Variants in TERT observed in about 807,000 individuals in gnomAD.
TERT encodes the protein telomerase reverse transcriptase, also known as telomerase catalytic subunit.
TERT carries 42 observed loss-of-function variants against 104.0 expected under a neutral mutation model. The observed-to-expected ratio is 0.40, with a 90% CI of 0.32 to 0.52. The LOEUF is 0.52. Ranked by LOEUF, TERT falls within the 20% of genes least tolerant of loss-of-function variation. TERT has a pLI of 0.43. For synonymous variants in TERT, 781 were observed against 725.6 expected, an observed-to-expected ratio of 1.08 and a Z score of -1.23; for missense variants, 1,101 against 1,610.3, an observed-to-expected ratio of 0.68 and a Z score of 5.41.
At chr5:1,285,148 C>A (rs1354257110) in intron 2 of TERT, among the ~76,000 whole-genome samples, 1 of 109,974 alleles carries the variant, frequency 9.1e-6, no homozygotes, top group Non-Finnish European at 2.0e-5. Context: ...CTGCATCATC[C>A]GGACTCCATA....
chr5:1,259,468 G>A (rs1307871299), intron 12 of TERT, among the ~76,000 whole-genome samples: 22 of 137,544 alleles, frequency 1.6e-4, no homozygotes, highest in South Asian at 5.1e-4. Flanking sequence ...ATGCCCACAG[G>A]AGAGGGAGTG....
In TERT at chr5:1,292,567, C is replaced by T. The variant is rs1751063799; in HGVS notation, c.1573+746G>A. 1.3e-5 allele frequency among the ~76,000 whole-genome samples: 2 copies of T among 152,130 alleles called. No individual in the cohort carries two copies. The highest frequency in any genetic ancestry group is 2.1e-4 in the South Asian group (1 of 4,818). ...CACTCTTGTCGCCCAGGCTGGAGTA[C>T]AATGGCACAATCTCAGCTCACTGCA... On this transcript the variant is annotated intron_variant, in intron 2 of 15. Coordinates refer to ENST00000310581, the MANE Select transcript of TERT (RefSeq NM_198253.3). The surrounding 1 kb of genome is among the most constrained non-coding windows in gnomAD (Gnocchi z 5.5).
rs1748904232 is a variant in TERT at position 1,269,982 on chromosome 5, T to C, written c.2468+1137A>G. 6.6e-6 allele frequency among the ~76,000 whole-genome samples: 1 copy of C among 152,154 alleles called. No homozygotes were observed. Among genetic ancestry groups the C allele is most frequent in the South Asian group, 2.1e-4 (1 of 4,828 alleles). ...ACATTCCCCAAAGCCCTGCCACACG[T>C]GGACGGTACGTGACTTGATCCATCT... On this transcript the variant is annotated intron_variant, in intron 8 of 15. Transcript: ENST00000310581. This position sits in a 1 kb window ranked among gnomAD's most constrained non-coding sequence, Gnocchi z 9.0.
At chr5:1,281,165 TG>T in intron 3 of TERT, among the ~76,000 whole-genome samples, 1 of 152,234 alleles carries the variant, frequency 6.6e-6, no homozygotes, top group Non-Finnish European at 1.5e-5. Context: ...TCCAAAATAC[TG>T]GTCAAATGAC....
rs34673480 is a variant in TERT, at chr5:1,267,690, T to C, written c.2582+830A>G. Reference sequence around the variant, plus strand: ...TGAGTTCATGTCCTTTGTAGGGACATGGACGAAGCTGGAAACCATCACTCT... The same window carrying C: ...TGAGTTCATGTCCTTTGTAGGGACACGGACGAAGCTGGAAACCATCACTCT... On this transcript the variant is annotated intron_variant, in intron 9 of 15. Transcript: ENST00000310581. Among the ~76,000 whole-genome samples, 569 of 152,310 alleles carry C rather than the reference T, an allele frequency of 3.7e-3. 3 individuals carry two copies. The highest frequency in any genetic ancestry group is 0.013 in the African/African-American group (544 of 41,556).
At chr5:1,285,850 G>A (rs916211090) in intron 2 of TERT, among the ~76,000 whole-genome samples, 10 of 151,874 alleles carry the variant, frequency 6.6e-5, no homozygotes, top group African/African-American at 2.4e-4. Context: ...TTACAGGCGT[G>A]AGCCACCGCG....
rs1046133966 is a variant in TERT, at chr5:1,267,630, T to G, written c.2582+890A>C. On this transcript the variant is annotated intron_variant, in intron 9 of 15. Transcript: ENST00000310581. Reference sequence around the variant, plus strand: ...CTGGATTAAGAAAATGTGGCACATATACACCACGGAATACTATGCAGTCAT... The same window carrying G: ...CTGGATTAAGAAAATGTGGCACATAGACACCACGGAATACTATGCAGTCAT... Among the ~76,000 whole-genome samples the G allele has an allele frequency of 3.3e-5, 5 of 152,342 alleles. No homozygotes were observed. In the East Asian group the frequency reaches 7.7e-4, roughly 24 times the overall value.
At position 1,260,532 on chromosome 5, in the gene TERT, C is replaced by G; in HGVS notation, c.2912G>C (p.Arg971Pro). 1 of 1,614,202 alleles carries G rather than the reference C, an allele frequency of 6.2e-7. No individual in the cohort carries two copies. The highest frequency in any genetic ancestry group is 8.5e-7 in the Non-Finnish European group (1 of 1,180,048). Reference protein sequence around the residue: ...NRGFKAGRNMRRKLFGVLRLK... With the variant: ...NRGFKAGRNMPRKLFGVLRLK... ...CCGCAAGACCCCAAAGAGTTTGCGACGCATGTTCCTCCCAGCCTTGAAGCC... is the reference window on the plus strand; with the variant it reads ...CCGCAAGACCCCAAAGAGTTTGCGAGGCATGTTCCTCCCAGCCTTGAAGCC... Residue 971 changes from arginine to proline, a missense_variant, in exon 12 of 16, where the codon CGT becomes CCT. Coordinates refer to ENST00000310581, the MANE Select transcript of TERT (RefSeq NM_198253.3).
Position 1,257,745 on chromosome 5 carries a change from G to C in TERT, c.3032+853C>G, listed in dbSNP as rs940297322. ...CCGTGAGCCCTTGCTGGGTTTCCAC[G>C]ATAGACGACGACCTCATTTCACATC... is the stretch of plus-strand genomic sequence containing the variant. On this transcript the variant is annotated intron_variant, in intron 13 of 15. Coordinates refer to ENST00000310581, the MANE Select transcript of TERT (RefSeq NM_198253.3). The surrounding 1 kb of genome is among the most constrained non-coding windows in gnomAD (Gnocchi z 5.6). Among the ~76,000 whole-genome samples the C allele has an allele frequency of 2.6e-5, 4 of 152,210 alleles. No individual in the cohort carries two copies. The highest frequency in any genetic ancestry group is 9.6e-5 in the African/African-American group (4 of 41,454).
intron 2 of TERT, among the ~76,000 whole-genome samples, chr5:1,289,334 A>G (rs1750710338): frequency 7.1e-6 from 1 of 141,636 alleles, no homozygotes; most frequent in African/African-American, 2.7e-5. Context: ...ACACCCGGGG[A>G]CAGTGCCTCA....
Position 1,293,962 on chromosome 5 carries a change from T to C in TERT, c.924A>G (p.Pro308=). The C allele has an allele frequency of 1.9e-6, 3 of 1,555,102 alleles. No homozygotes were observed. Among genetic ancestry groups the C allele is most frequent in the Non-Finnish European group, 1.7e-6 (2 of 1,153,256 alleles). Residue 308 remains proline, a synonymous_variant, in exon 2 of 16, where the codon CCA becomes CCG. Coordinates refer to ENST00000310581, the MANE Select transcript of TERT (RefSeq NM_198253.3). ...AGGGACGTGGTGGCCGCGATGTGGA[T>C]GGGGGGCCCGCGTGGTGCTGGCGGC... ...SVGRQHHAGP[P]STSRPPRPWD... is the part of the protein sequence containing the mutation.
In TERT at chr5:1,280,191, G is replaced by A. The variant is rs142989562; in HGVS notation, c.1917C>T (p.Val639=). 100 of 1,614,090 alleles carry A rather than the reference G, an allele frequency of 6.2e-5. No homozygotes were observed. Among genetic ancestry groups the A allele is most frequent in the African/African-American group, 1.9e-4 (14 of 75,068 alleles). The change falls in exon 4 of 16, where the codon GTC becomes GTT. Residue 639 remains valine, a synonymous_variant. Coordinates refer to ENST00000310581, the MANE Select transcript of TERT (RefSeq NM_198253.3). ...GLRPIVNMDY[V]VGARTFRREK... is the part of the protein sequence containing the mutation. ...CTCTGCGGAACGTTCTGGCTCCCAC[G>A]ACGTAGTCCATGTTCACAATCGGCC... is the stretch of plus-strand genomic sequence containing the variant.
At position 1,264,479 on chromosome 5, in the gene TERT, G is replaced by A. The variant is rs387907251; in HGVS notation, c.2768C>T (p.Pro923Leu). Residue 923 changes from proline to leucine, a missense_variant, in exon 11 of 16, where the codon CCG becomes CTG. Pro to Leu is a moderately conservative substitution (Grantham distance 98). This residue lies in a region of TERT where 463 missense variants were observed against 797.5 expected (regional missense o/e 0.58). Transcript: ENST00000310581. ...ALGGTAFVQM[P>L]AHGLFPWCGL... Reference sequence around the variant, plus strand: ...GCACCAGGGGAATAGGCCGTGGGCCGGCATCTGAACAAAAGCCGTGCCACC... The same window carrying A: ...GCACCAGGGGAATAGGCCGTGGGCCAGCATCTGAACAAAAGCCGTGCCACC... 6.2e-7 allele frequency: 1 copy of A among 1,613,880 alleles called. No homozygotes were observed. Among genetic ancestry groups the A allele is most frequent in the African/African-American group, 1.3e-5 (1 of 75,052 alleles).
chr5:1,288,797 G>A lies in TERT; in HGVS notation c.1573+4516C>T, dbSNP rs542310052. On this transcript the variant is annotated intron_variant, in intron 2 of 15. Coordinates refer to ENST00000310581, the MANE Select transcript of TERT (RefSeq NM_198253.3). The surrounding 1 kb of genome is among the most constrained non-coding windows in gnomAD (Gnocchi z 5.3). ...GGAGTATTGGCAGCATGCATGTGGC[G>A]GGCACGTGGTGAGCAAGCCAGGCCC... 1.3e-5 allele frequency among the ~76,000 whole-genome samples: 2 copies of A among 152,258 alleles called. No homozygotes were observed. The highest frequency in any genetic ancestry group is 2.1e-4 in the South Asian group (1 of 4,822).
rs1429165514 is a variant in TERT at position 1,256,672 on chromosome 5, G to A, written c.3033-1261C>T. Among the ~76,000 whole-genome samples the A allele has an allele frequency of 6.6e-6, 1 of 152,212 alleles. No homozygotes were observed. The highest frequency in any genetic ancestry group is 1.9e-4 in the East Asian group (1 of 5,202). Reference sequence around the variant, plus strand: ...GTTTCAGCCTCTCAGTAACTCTGCTGAGGTGGGATGTCTTTTCCCCATTTA... The same window carrying A: ...GTTTCAGCCTCTCAGTAACTCTGCTAAGGTGGGATGTCTTTTCCCCATTTA... On this transcript the variant is annotated intron_variant, in intron 13 of 15. Coordinates refer to ENST00000310581, the MANE Select transcript of TERT (RefSeq NM_198253.3). The surrounding 1 kb of genome is among the most constrained non-coding windows in gnomAD (Gnocchi z 7.0).
In TERT at chr5:1,255,535, G is replaced by C; in HGVS notation, c.3033-124C>G. On this transcript the variant is annotated intron_variant, in intron 13 of 15. Transcript: ENST00000310581. The surrounding 1 kb of genome is among the most constrained non-coding windows in gnomAD (Gnocchi z 6.9). ...ATGCACATGCATGGGTTTCCTCATG[G>C]GCACAGGTGCACACACACGGATGCA... 8.1e-7 allele frequency: 1 copy of C among 1,233,970 alleles called. No individual in the cohort carries two copies. The highest frequency in any genetic ancestry group is 1.2e-6 in the Non-Finnish European group (1 of 852,814). 76.4% of individuals were successfully genotyped at this position (1,233,970 alleles called of 1,614,324 possible). A position where few individuals can be genotyped will look rare whatever the true frequency, so the allele number is the denominator to read the frequency against.
rs1044861406 is a variant in TERT at position 1,293,814 on chromosome 5, G to A, written c.1072C>T (p.Arg358Trp). 1 of 1,550,510 alleles carries A rather than the reference G, an allele frequency of 6.4e-7. No homozygotes were observed. Among genetic ancestry groups the A allele is most frequent in the Non-Finnish European group, 8.7e-7 (1 of 1,147,288 alleles). ...SSLRPSLTGA[R>W]RLVETIFLGS... ...AGAAAGATGGTCTCCACGAGCCTCC[G>A]AGCGCCAGTCAGGCTGGGCCTCAGA... The change falls in exon 2 of 16, where the codon CGG (arginine) becomes TGG (tryptophan). Residue 358 changes from arginine to tryptophan, a missense_variant. Transcript: ENST00000310581.
chr5:1,294,463 C>T lies in TERT; in HGVS notation c.423G>A (p.Leu141=). ...CCAGCACGTCGTCGCCCACGCGGCG[C>T]AGCAGCAGCCCCCACGCCCCGCTCC... ...LRGSGAWGLL[L]RRVGDDVLVH... is the part of the protein sequence containing the mutation. The change falls in exon 2 of 16, where the codon CTG becomes CTA. Residue 141 remains leucine (L), a synonymous_variant. Transcript: ENST00000310581. 1 of 1,591,758 alleles carries T rather than the reference C, an allele frequency of 6.3e-7. No individual in the cohort carries two copies. Among genetic ancestry groups the T allele is most frequent in the Non-Finnish European group, 8.5e-7 (1 of 1,176,942 alleles).
chr5:1,292,246 G>A lies in TERT; in HGVS notation c.1573+1067C>T, dbSNP rs939296722. On this transcript the variant is annotated intron_variant, in intron 2 of 15. Transcript: ENST00000310581. This position sits in a 1 kb window ranked among gnomAD's most constrained non-coding sequence, Gnocchi z 5.5. ...AATCGGGACTTCTTCTAGCTGCCACGGTAGGGCCTGGGAGCACTGGGAGCC... is the reference window on the plus strand; with the variant it reads ...AATCGGGACTTCTTCTAGCTGCCACAGTAGGGCCTGGGAGCACTGGGAGCC... 1.0e-3 allele frequency among the ~76,000 whole-genome samples: 157 copies of A among 152,230 alleles called. No homozygotes were observed. The highest frequency in any genetic ancestry group is 6.0e-4 in the Non-Finnish European group (41 of 68,022).
Sources: gnomAD v4.1 joint callset for allele counts (sites outside exome capture counted in the v4.1 genomes callset) on GRCh38, gnomAD v4.1.1 for gene constraint, gnomAD v4.1.1 regional missense constraint, Gnocchi (gnomAD v3.1) non-coding constraint, MANE v1.5 for transcripts, NCBI Gene and HGNC (gene_info 2026-07-23, HGNC 2026-07-21) for gene names.